Variants in ZNF574 observed in about 807,000 individuals in gnomAD.
ZNF574 encodes zinc finger protein 574.
In ZNF574, 25 loss-of-function variants were observed where a neutral mutation model predicts 56.6. The observed-to-expected ratio is 0.44, with a 90% confidence interval of 0.32 to 0.62. The LOEUF (loss-of-function observed/expected upper bound fraction) is 0.62, where lower values mean the gene tolerates loss of function less well. Among genes scored for constraint, ZNF574 ranks in the 20% least tolerant of loss-of-function variants. The probability of loss-of-function intolerance (pLI) is 0.04; values close to 1 mark genes in which losing one functional copy is unlikely to be tolerated. For synonymous variants in ZNF574, 543 were observed against 492.1 expected (o/e 1.10, Z -1.37); for missense variants, 1,065 against 1,218.9 (o/e 0.87, Z 1.88).
At chr19:42,069,962 G>A (rs1348802893) in intron 1 of ZNF574, among the ~76,000 whole-genome samples, 1 of 151,844 alleles carries the variant, frequency 6.6e-6, no homozygotes, top group Admixed American at 6.5e-5. Flanking sequence ...GGAGGATGGA[G>A]AGGAGCAGGT....
At chr19:42,074,742 A>C (rs777460584), upstream of ZNF574, 1 of 152,236 alleles carries the variant, frequency 6.6e-6, no homozygotes, top group African/African-American at 2.4e-5. Flanking sequence ...AAATGGCCAT[A>C]GAATTGGCCC....
At chr19:42,070,206 T>G (rs375386356) in intron 1 of ZNF574, among the ~76,000 whole-genome samples, 3 of 145,476 alleles carry the variant, frequency 2.1e-5, no homozygotes, top group East Asian at 2.1e-4. Context: ...TGGAGCGCAG[T>G]GGGGTGGTTC....
rs1436226833 is a variant in ZNF574 at position 42,081,162 on chromosome 19, G to A, written c.2556G>A (p.Val852=). ...KTHQQQHQAA[V]RQQLAEAEAA... is the part of the protein sequence containing the mutation. ...ATCAGCAGCAGCATCAGGCAGCTGTGCGGCAGCAGCTGGCAGAGGCGGAGG... is the reference window on the plus strand; with the variant it reads ...ATCAGCAGCAGCATCAGGCAGCTGTACGGCAGCAGCTGGCAGAGGCGGAGG... Residue 852 remains valine, a synonymous_variant, in exon 2 of 2, where the codon GTG becomes GTA. Coordinates refer to ENST00000359044, the MANE Select transcript of ZNF574 (RefSeq NM_022752.6). The A allele has an allele frequency of 1.2e-6, 2 of 1,614,078 alleles. No homozygotes were observed. The highest frequency in any genetic ancestry group is 1.7e-5 in the Admixed American group (1 of 60,030).
chr19:42,081,040 C>T lies in ZNF574; in HGVS notation c.2434C>T (p.His812Tyr). Residue 812 changes from histidine (H) to tyrosine (Y), a missense_variant, in exon 2 of 2, where the codon CAT (histidine) becomes TAT (tyrosine). His to Tyr is a moderately conservative substitution (Grantham distance 83). Transcript: ENST00000359044. ...AFAISMRLAE[H>Y]RRIHTGERPY... The stretch of plus-strand genomic sequence containing the variant: ...TGCCATCTCCATGCGCCTGGCAGAA[C>T]ATCGCCGCATCCACACAGGCGAACG... 1.2e-6 allele frequency: 2 copies of T among 1,614,194 alleles called. No individual in the cohort carries two copies. The highest frequency in any genetic ancestry group is 2.2e-5 in the East Asian group (1 of 44,872).
At chr19:42,068,955 G>T (rs1304766651) in exon 1 of ZNF574, 5 of 613,748 alleles carry the variant, frequency 8.1e-6, no homozygotes, top group Non-Finnish European at 1.5e-5. Context: ...CATGCCAGGG[G>T]CCCGGGGTAA....
At position 42,080,443 on chromosome 19, in the gene ZNF574, C is replaced by T; in HGVS notation, c.1837C>T (p.Pro613Ser). ...GEYPYKCREC[P>S]RSFLLRRLLE... ...ATACCCCTACAAGTGTCGCGAGTGC[C>T]CCCGCTCCTTCTTGCTGCGTCGGCT... The change falls in exon 2 of 2, where the codon CCC (proline) becomes TCC (serine). Residue 613 changes from proline (P) to serine (S), a missense_variant. Transcript: ENST00000359044. The surrounding 1 kb of genome is among the most constrained non-coding windows in gnomAD (Gnocchi z 8.5). 6.2e-7 allele frequency: 1 copy of T among 1,614,208 alleles called. No homozygotes were observed. The highest frequency in any genetic ancestry group is 8.5e-7 in the Non-Finnish European group (1 of 1,180,036).
At position 42,079,901 on chromosome 19, in the gene ZNF574, T is replaced by C; in HGVS notation, c.1295T>C (p.Ile432Thr). The part of the protein sequence containing the change: ...TTPVPPEEPV[I>T]GFPEPAPAET... ...CCAGTCCCACCAGAGGAACCTGTCA[T>C]TGGTTTCCCTGAGCCAGCCCCAGCA... Residue 432 changes from isoleucine (I) to threonine (T), a missense_variant, in exon 2 of 2, where the codon ATT becomes ACT. Ile to Thr is a moderately conservative substitution (Grantham distance 89, BLOSUM62 -1). Transcript: ENST00000359044. This position sits in a 1 kb window ranked among gnomAD's most constrained non-coding sequence, Gnocchi z 4.3. The C allele has an allele frequency of 6.2e-7, 1 of 1,614,024 alleles. No homozygotes were observed. Among genetic ancestry groups the C allele is most frequent in the Non-Finnish European group, 8.5e-7 (1 of 1,180,012 alleles).
At chr19:42,072,488 G>A (rs1400980221), upstream of ZNF574, among the ~76,000 whole-genome samples, 4 of 151,540 alleles carry the variant, frequency 2.6e-5, no homozygotes, top group Non-Finnish European at 5.9e-5. Context: ...TGCCTGCCTC[G>A]GCCTCCCAAA....
Position 42,080,722 on chromosome 19 carries a change from C to G in ZNF574, c.2116C>G (p.Arg706Gly). The G allele has an allele frequency of 6.2e-7, 1 of 1,613,630 alleles. No individual in the cohort carries two copies. The highest frequency in any genetic ancestry group is 8.5e-7 in the Non-Finnish European group (1 of 1,179,956). The stretch of plus-strand genomic sequence containing the variant: ...CCTGGCTAAGGAGCCCCCTGCCCCT[C>G]GAGCCCCACGGGCCACTCGTGCACC... ...EVLAKEPPAP[R>G]APRATRAPVA... The change falls in exon 2 of 2, where the codon CGA (arginine) becomes GGA (glycine). Residue 706 changes from arginine (R) to glycine (G), a missense_variant. Transcript: ENST00000359044. This position sits in a 1 kb window ranked among gnomAD's most constrained non-coding sequence, Gnocchi z 8.5.
Position 42,080,172 on chromosome 19 carries a change from C to G in ZNF574, c.1566C>G (p.Pro522=). 6.2e-7 allele frequency: 1 copy of G among 1,613,944 alleles called. No homozygotes were observed. The highest frequency in any genetic ancestry group is 8.5e-7 in the Non-Finnish European group (1 of 1,179,996). Residue 522 remains proline (P), a synonymous_variant, in exon 2 of 2, where the codon CCC becomes CCG. Coordinates refer to ENST00000359044, the MANE Select transcript of ZNF574 (RefSeq NM_022752.6). The surrounding 1 kb of genome is among the most constrained non-coding windows in gnomAD (Gnocchi z 8.5). ...NHLRTHTGER[P]FPCPDCSKPF... ...TGCGCACACACACAGGGGAGCGGCC[C>G]TTCCCCTGCCCTGACTGCTCCAAGC...
At position 42,080,036 on chromosome 19, in the gene ZNF574, A is replaced by T; in HGVS notation, c.1430A>T (p.Lys477Met). The change falls in exon 2 of 2, where the codon AAG becomes ATG. Residue 477 changes from lysine to methionine, a missense_variant. Lys to Met is a moderately conservative substitution (Grantham distance 95). Transcript: ENST00000359044. This position sits in a 1 kb window ranked among gnomAD's most constrained non-coding sequence, Gnocchi z 8.5. Reference sequence around the variant, plus strand: ...CTCCTGTGCAGCCGTGAATTTGGAAAGGCCTTGCAGCTGACCCGGCACCAA... The same window carrying T: ...CTCCTGTGCAGCCGTGAATTTGGAATGGCCTTGCAGCTGACCCGGCACCAA... ...RCLLCSREFG[K>M]ALQLTRHQRF... is the part of the protein sequence containing the mutation. 6.2e-7 allele frequency: 1 copy of T among 1,614,136 alleles called. No homozygotes were observed. The highest frequency in any genetic ancestry group is 8.5e-7 in the Non-Finnish European group (1 of 1,180,030).
At chr19:42,074,180 G>A (rs1318582793), upstream of ZNF574, among the ~76,000 whole-genome samples, 4 of 150,756 alleles carry the variant, frequency 2.7e-5, no homozygotes, top group South Asian at 6.3e-4. Flanking sequence ...AAATAGGCCA[G>A]GTGCAGTGGC....
rs1287046027 is a variant in ZNF574 at position 42,080,496 on chromosome 19, T to C, written c.1890T>C (p.His630=). ...TGGAGGTGCACCAGCTCGTGGTCCA[T>C]GCCGGGCGCCAGCCCCACCGCTGCC... ...RLLEVHQLVV[H]AGRQPHRCPS... Residue 630 remains histidine, a synonymous_variant, in exon 2 of 2, where the codon CAT becomes CAC. Coordinates refer to ENST00000359044, the MANE Select transcript of ZNF574 (RefSeq NM_022752.6). This position sits in a 1 kb window ranked among gnomAD's most constrained non-coding sequence, Gnocchi z 8.5. 1.2e-6 allele frequency: 2 copies of C among 1,613,860 alleles called. No homozygotes were observed. The highest frequency in any genetic ancestry group is 1.7e-6 in the Non-Finnish European group (2 of 1,179,978).
At position 42,069,971 on chromosome 19, in the gene ZNF574, G is replaced by A. The variant is rs1486757589; in HGVS notation, c.250+1010G>A. ...GGGAGAGGAGGATGGAGAGGAGCAG[G>A]TGGAAGAGAAAGGCGGAGGAGGGTG... On this transcript the variant is annotated intron_variant, in intron 1 of 1. Transcript: ENST00000222339. Among the ~76,000 whole-genome samples the A allele has an allele frequency of 2.0e-5, 3 of 152,262 alleles. No homozygotes were observed. The East Asian group carries it at 5.8e-4, about 29-fold the overall frequency.
chr19:42,081,532 A>G lies in ZNF574; in HGVS notation c.*235A>G, dbSNP rs985138221. The G allele has an allele frequency of 1.4e-4, 85 of 599,674 alleles. No homozygotes were observed. Among genetic ancestry groups the G allele is most frequent in the Admixed American group, 4.1e-4 (14 of 34,150 alleles). 37.1% of individuals were successfully genotyped at this position (599,674 alleles called of 1,614,324 possible). A position where few individuals can be genotyped will look rare whatever the true frequency, so the allele number is the denominator to read the frequency against. On this transcript the variant is annotated 3_prime_UTR_variant, in exon 2 of 2. Coordinates refer to ENST00000359044, the MANE Select transcript of ZNF574 (RefSeq NM_022752.6). ...GGTGACCCCAAAAATGAAACCATCA[A>G]TAAAGACTGAGTTGCCAGCAGTGTG... is the stretch of plus-strand genomic sequence containing the variant.
upstream of ZNF574, among the ~76,000 whole-genome samples, chr19:42,073,738 G>A (rs1376238639): frequency 4.8e-5 from 7 of 145,856 alleles, no homozygotes; most frequent in Admixed American, 4.2e-4. Flanking sequence ...AATTGCTTGA[G>A]CCTGGGAGGC....
intron 1 of ZNF574, chr19:42,069,093 T>C (rs575854162): frequency 8.4e-4 from 379 of 450,498 alleles, no homozygotes; most frequent in Non-Finnish European, 1.3e-3. Flanking sequence ...GCTGAGGAGA[T>C]GGAGGGCGCA....
At position 42,079,119 on chromosome 19, in the gene ZNF574, T is replaced by C; in HGVS notation, c.513T>C (p.Pro171=). 1 of 1,614,032 alleles carries C rather than the reference T, an allele frequency of 6.2e-7. No individual in the cohort carries two copies. The highest frequency in any genetic ancestry group is 1.3e-5 in the African/African-American group (1 of 75,034). ...VLGSPVVLGP[P]VGQARVAVEH... ...GGTCCCCAGTTGTTCTAGGGCCTCC[T>C]GTGGGCCAGGCCCGAGTGGCTGTGG... The change falls in exon 2 of 2, where the codon CCT becomes CCC. Residue 171 remains proline (P), a synonymous_variant. Coordinates refer to ENST00000359044, the MANE Select transcript of ZNF574 (RefSeq NM_022752.6). The surrounding 1 kb of genome is among the most constrained non-coding windows in gnomAD (Gnocchi z 4.3).
chr19:42,077,432 T>TA (rs2076463583), intron 1 of ZNF574, among the ~76,000 whole-genome samples: 1 of 152,038 alleles, frequency 6.6e-6, no homozygotes, highest in Admixed American at 6.6e-5. Flanking sequence ...TTGGGTCTTC[T>TA]AGCAAATTAA....
Sources: allele counts gnomAD v4.1 joint callset (sites outside exome capture counted in the v4.1 genomes callset), GRCh38; gene constraint gnomAD v4.1.1; non-coding constraint Gnocchi (gnomAD v3.1); transcripts MANE v1.5; gene names NCBI Gene and HGNC (gene_info 2026-07-23, HGNC 2026-07-21).